Variants in VPS37A observed in about 807,000 individuals in gnomAD.
VPS37A encodes VPS37A subunit of ESCRT-I.
Under a neutral mutation model 49.8 loss-of-function variants are expected in VPS37A, and 30 were observed. That is an observed-to-expected ratio of 0.60 (90% CI 0.45 to 0.82). The LOEUF (loss-of-function observed/expected upper bound fraction) is 0.82, where lower values mean the gene tolerates loss of function less well. Among genes scored for constraint, VPS37A ranks in the 40% least tolerant of loss-of-function variants. The pLI, the probability that VPS37A is intolerant of heterozygous loss-of-function variation, is 0.00. For synonymous variants in VPS37A, 195 were observed against 160.6 expected, an observed-to-expected ratio of 1.21 and a Z score of -1.62; for missense variants, 593 against 464.4, an observed-to-expected ratio of 1.28 and a Z score of -2.55.
chr8:17,277,058 G>T (rs543795880), intron 6 of VPS37A, among the ~76,000 whole-genome samples: 1 of 152,048 alleles, frequency 6.6e-6, no homozygotes, highest in South Asian at 2.1e-4. Flanking sequence ...TACTCATAAG[G>T]CTCTTATTAC....
the VPS37A span, among the ~76,000 whole-genome samples, chr8:17,312,312 C>T: frequency 7.9e-5 from 12 of 152,216 alleles, no homozygotes; most frequent in South Asian, 8.3e-4. Flanking sequence ...CAGTGGCTCA[C>T]GCATGTAATC....
chr8:17,274,571 A>G (rs1028005576), intron 4 of VPS37A, among the ~76,000 whole-genome samples, 162 bp from the exon 5 acceptor site: 1 of 152,066 alleles, frequency 6.6e-6, no homozygotes, highest in African/African-American at 2.4e-5. Context: ...TTACCACTTT[A>G]TATAATATTT....
downstream of VPS37A, among the ~76,000 whole-genome samples, chr8:17,307,202 A>C (rs1019902235): frequency 2.0e-5 from 3 of 152,216 alleles, no homozygotes; most frequent in African/African-American, 7.2e-5. Context: ...AGAAAAAAAC[A>C]ACCCCATCAA....
the VPS37A span, among the ~76,000 whole-genome samples, chr8:17,328,954 G>A: frequency 6.6e-6 from 1 of 152,212 alleles, no homozygotes; most frequent in Admixed American, 6.5e-5. Context: ...GACCTACACA[G>A]GATGTGAACT....
intron 11 of VPS37A, among the ~76,000 whole-genome samples, chr8:17,293,607 T>TTTCCTCA (rs1816343091): frequency 6.6e-6 from 1 of 152,140 alleles, no homozygotes; most frequent in Admixed American, 6.5e-5. Context: ...TCTACCTTTG[T>TTTCCTCA]TCTTTGTTGT....
At chr8:17,281,991 T>C (rs1264884326) in intron 9 of VPS37A, among the ~76,000 whole-genome samples, 1 of 152,080 alleles carries the variant, frequency 6.6e-6, no homozygotes, top group Non-Finnish European at 1.5e-5. Context: ...AGAAATTGAA[T>C]ACAGTTCTTA....
intron 11 of VPS37A, among the ~76,000 whole-genome samples, chr8:17,292,712 C>G (rs1466023901): frequency 6.6e-6 from 1 of 152,156 alleles, no homozygotes; most frequent in Non-Finnish European, 1.5e-5. Context: ...TTCTCCTCCA[C>G]TTATGAAGCT....
intron 1 of VPS37A, chr8:17,247,858 C>A: frequency 3.0e-6 from 2 of 676,052 alleles, no homozygotes; most frequent in South Asian, 1.6e-5. Context: ...GTCTGAGAGT[C>A]ACTTATCACG....
intron 1 of VPS37A, among the ~76,000 whole-genome samples, chr8:17,259,303 A>G (rs1358656996): frequency 6.6e-6 from 1 of 151,968 alleles, no homozygotes; most frequent in East Asian, 1.9e-4. Context: ...AAGACTTTTT[A>G]AAATTTACTT....
intron 9 of VPS37A, among the ~76,000 whole-genome samples, 179 bp from the exon 10 acceptor site, chr8:17,284,294 A>C (rs1815379877): frequency 6.6e-6 from 1 of 152,150 alleles, no homozygotes. Context: ...TTAGGTGTCT[A>C]CCCCTATCCA....
At chr8:17,272,641 C>A (rs569153564) in intron 4 of VPS37A, among the ~76,000 whole-genome samples, 2 of 152,118 alleles carry the variant, frequency 1.3e-5, no homozygotes, top group African/African-American at 4.8e-5. Context: ...AAAGATATTA[C>A]AAATACTCTC....
intron 1 of VPS37A, among the ~76,000 whole-genome samples, chr8:17,257,247 G>A (rs768587786): frequency 6.6e-6 from 1 of 152,008 alleles, no homozygotes; most frequent in Non-Finnish European, 1.5e-5. Flanking sequence ...ATTATATTTG[G>A]GTTCCTTGTT....
At chr8:17,263,029 C>T (rs1020306644) in intron 1 of VPS37A, among the ~76,000 whole-genome samples, 1 of 149,606 alleles carries the variant, frequency 6.7e-6, no homozygotes, top group African/African-American at 2.5e-5. Context: ...CCATTGCACT[C>T]CAGCCTGATG....
Position 17,268,918 on chromosome 8 carries a change from T to A in VPS37A, c.378T>A (p.Asn126Lys). 6.2e-7 allele frequency: 1 copy of A among 1,610,690 alleles called. No homozygotes were observed. Among genetic ancestry groups the A allele is most frequent in the African/African-American group, 1.3e-5 (1 of 74,958 alleles). The part of the protein sequence containing the change: ...IQSLLDEFWK[N>K]PPVLAPTSTA... ...GTCTGTTGGATGAGTTTTGGAAGAATCCTCCAGTTTTAGCTCCTACTTCAA... is the reference window on the plus strand; with the variant it reads ...GTCTGTTGGATGAGTTTTGGAAGAAACCTCCAGTTTTAGCTCCTACTTCAA... The change falls in exon 4 of 12, where the codon AAT (asparagine) becomes AAA (lysine). Residue 126 changes from asparagine to lysine, a missense_variant. Transcript: ENST00000324849.
chr8:17,313,809 T>G, the VPS37A span, among the ~76,000 whole-genome samples: 11 of 152,174 alleles, frequency 7.2e-5, no homozygotes, highest in Admixed American at 1.3e-4. Context: ...CCTACCCACT[T>G]AGAAGTTTCT....
At chr8:17,316,537 T>A in the VPS37A span, among the ~76,000 whole-genome samples, 1 of 151,630 alleles carries the variant, frequency 6.6e-6, no homozygotes, top group African/African-American at 2.4e-5. Context: ...ATAAGTGAAA[T>A]GGGCTGGGTC....
At chr8:17,268,809 A>G (rs1389274048) in intron 3 of VPS37A, 47 bp from the exon 4 acceptor site, 7 of 1,277,606 alleles carry the variant, frequency 5.5e-6, no homozygotes, top group East Asian at 2.3e-5. Context: ...AGACTTTATA[A>G]TCTTTTTCTG....
intron 11 of VPS37A, among the ~76,000 whole-genome samples, chr8:17,289,806 A>T (rs961223380): frequency 1.3e-5 from 2 of 152,202 alleles, no homozygotes; most frequent in African/African-American, 2.4e-5. Flanking sequence ...TATGGCCGTT[A>T]TCACGATATT....
the VPS37A span, chr8:17,313,281 CA>C: frequency 6.3e-7 from 1 of 1,583,006 alleles, no homozygotes; most frequent in Admixed American, 1.7e-5. Flanking sequence ...ATTTTCTCTG[CA>C]ATTGCATACC....
Sources: allele counts gnomAD v4.1 joint callset (sites outside exome capture counted in the v4.1 genomes callset), GRCh38; gene constraint gnomAD v4.1.1; transcripts MANE v1.5; gene names NCBI Gene and HGNC (gene_info 2026-07-23, HGNC 2026-07-21).